Variants in FMNL3 observed in about 807,000 individuals in gnomAD.
FMNL3 encodes the protein formin-like protein 3.
Under a neutral mutation model 119.6 loss-of-function variants are expected in FMNL3, and 57 were observed. That is an observed-to-expected ratio of 0.48 (90% confidence interval 0.39 to 0.59). FMNL3 has a LOEUF of 0.59. FMNL3 is among the 20% of genes least tolerant of loss of function. The pLI is 0.00. For missense variants in FMNL3, 1,053 were observed against 1,323.5 expected, an observed-to-expected ratio of 0.80 and a Z score of 3.17; for synonymous variants, 491 against 507.3, an observed-to-expected ratio of 0.97 and a Z score of 0.43.
chr12:49,642,456 C>T lies in FMNL3; in HGVS notation c.*3359G>A. Reference sequence around the variant, plus strand: ...CACTGAGGGCCCACCCCAGTCACGTCACAGCCCTGGGCCAGCTCCAGTTCC... The same window carrying T: ...CACTGAGGGCCCACCCCAGTCACGTTACAGCCCTGGGCCAGCTCCAGTTCC... On this transcript the variant is annotated 3_prime_UTR_variant, in exon 26 of 26. Transcript: ENST00000335154. This position sits in a 1 kb window ranked among gnomAD's most constrained non-coding sequence, Gnocchi z 5.8. The T allele has an allele frequency of 6.3e-7, 1 of 1,576,614 alleles. No homozygotes were observed. Among genetic ancestry groups the T allele is most frequent in the South Asian group, 1.1e-5 (1 of 89,664 alleles).
In FMNL3 at chr12:49,660,457, G is replaced by C. The variant is rs77631832; in HGVS notation, c.452+1509C>G. Among the ~76,000 whole-genome samples, 118 of 152,244 alleles carry C rather than the reference G, an allele frequency of 7.8e-4. 2 individuals are homozygous for C. In the East Asian group the frequency reaches 0.021, roughly 27 times the overall value. ...TGTTTTTCATTTCTTTCTATAAAAA[G>C]AATTTTTTTTAGGAGATAAGAGAAT... On this transcript the variant is annotated intron_variant, in intron 5 of 25. Transcript: ENST00000335154.
intron 1 of FMNL3, among the ~76,000 whole-genome samples, chr12:49,693,206 TG>T (rs1944652902): frequency 6.6e-6 from 1 of 151,960 alleles, no homozygotes; most frequent in African/African-American, 2.4e-5. Context: ...GGAGAATGGG[TG>T]GGAAGATGGA....
In FMNL3 at chr12:49,636,623, TGTAGGACAGCATC is replaced by T. The variant is rs1197845130; in HGVS notation, c.*9179_*9191del. Reference sequence around the variant, plus strand: ...CACCACCCTGGGTATCCCTAGCACCTGTAGGACAGCATCGTTGAAACATTAGGGGTGCTGGGGT... The same window carrying T: ...CACCACCCTGGGTATCCCTAGCACCTGTTGAAACATTAGGGGTGCTGGGGT... On this transcript the variant is annotated 3_prime_UTR_variant, in exon 26 of 26. Coordinates refer to ENST00000335154, the MANE Select transcript of FMNL3 (RefSeq NM_175736.5). 3.2e-6 allele frequency: 5 copies of T among 1,566,702 alleles called. No individual in the cohort carries two copies. In the East Asian group the frequency reaches 1.1e-4, roughly 35 times the overall value.
chr12:49,699,695 C>T (rs1252240916), intron 1 of FMNL3, among the ~76,000 whole-genome samples: 2 of 152,056 alleles, frequency 1.3e-5, no homozygotes, highest in Admixed American at 6.5e-5. Flanking sequence ...AAAAACTATA[C>T]GAAATGTATA....
intron 1 of FMNL3, among the ~76,000 whole-genome samples, chr12:49,695,970 G>C (rs1944739453): frequency 6.6e-6 from 1 of 152,126 alleles, no homozygotes. Flanking sequence ...TGCTGCTTTA[G>C]GCAGGTAGTA....
At chr12:49,678,137 C>T (rs1355979661) in intron 1 of FMNL3, among the ~76,000 whole-genome samples, 2 of 151,846 alleles carry the variant, frequency 1.3e-5, no homozygotes, top group Non-Finnish European at 2.9e-5. Flanking sequence ...GCTGGGATTA[C>T]AGGCGTGAGC....
chr12:49,642,545 G>T lies in FMNL3; in HGVS notation c.*3270C>A. On this transcript the variant is annotated 3_prime_UTR_variant, in exon 26 of 26. Coordinates refer to ENST00000335154, the MANE Select transcript of FMNL3 (RefSeq NM_175736.5). This position sits in a 1 kb window ranked among gnomAD's most constrained non-coding sequence, Gnocchi z 5.8. ...CGGTGTCCAGGCCAGGCTGAGTGGGGCCTAGTCTGATCAGCAGTGCTCTCC... is the reference window on the plus strand; with the variant it reads ...CGGTGTCCAGGCCAGGCTGAGTGGGTCCTAGTCTGATCAGCAGTGCTCTCC... 6.2e-7 allele frequency: 1 copy of T among 1,610,900 alleles called. No homozygotes were observed. The highest frequency in any genetic ancestry group is 1.1e-5 in the South Asian group (1 of 90,906).
Position 49,707,321 on chromosome 12 carries a change from TC to T in FMNL3, c.-142del, listed in dbSNP as rs1945078315. 1 of 698,568 alleles carries T rather than the reference TC, an allele frequency of 1.4e-6. No individual in the cohort carries two copies. The highest frequency in any genetic ancestry group is 2.1e-6 in the Non-Finnish European group (1 of 478,030). The allele number at this position is 698,568 out of a possible 1,614,324, so 43.3% of individuals were successfully genotyped here. On this transcript the variant is annotated 5_prime_UTR_variant, in exon 1 of 26. Transcript: ENST00000335154. The stretch of plus-strand genomic sequence containing the variant: ...CGGCCCCGTCGAGGGCGCCGGGGGT[TC>T]CCTGGAGTCCCGCTGGCGGGGGCGC...
intron 1 of FMNL3, among the ~76,000 whole-genome samples, chr12:49,700,265 G>A (rs892044151): frequency 3.3e-5 from 5 of 149,968 alleles, no homozygotes; most frequent in East Asian, 2.0e-4. Context: ...GGTGGCGGGC[G>A]CCTGTAGTCC....
rs1943246763 is a variant in FMNL3 at position 49,647,607 on chromosome 12, GAGGAGTCGGAAA to G, written c.2778+84_2778+95del. On this transcript the variant is annotated intron_variant, in intron 23 of 25. Coordinates refer to ENST00000335154, the MANE Select transcript of FMNL3 (RefSeq NM_175736.5). This position sits in a 1 kb window ranked among gnomAD's most constrained non-coding sequence, Gnocchi z 4.9. ...ATCGCTCCCTTCCCAGGACTCGGAG[GAGGAGTCGGAAA>G]AGGCCCATACTTTAAGCCCAGGCTT... is the stretch of plus-strand genomic sequence containing the variant. 1 of 1,139,708 alleles carries G rather than the reference GAGGAGTCGGAAA, an allele frequency of 8.8e-7. No homozygotes were observed. The highest frequency in any genetic ancestry group is 1.5e-5 in the African/African-American group (1 of 65,294). The allele number at this position is 1,139,708 out of a possible 1,614,324, so 70.6% of individuals were successfully genotyped here. A position where few individuals can be genotyped will look rare whatever the true frequency, so the allele number is the denominator to read the frequency against.
In FMNL3 at chr12:49,637,044, G is replaced by A; in HGVS notation, c.*8771C>T. The A allele has an allele frequency of 2.5e-6, 2 of 812,800 alleles. No individual in the cohort carries two copies. The highest frequency in any genetic ancestry group is 3.8e-6 in the Non-Finnish European group (2 of 528,106). 50.3% of individuals were successfully genotyped at this position (812,800 alleles called of 1,614,324 possible). A position where few individuals can be genotyped will look rare whatever the true frequency, so the allele number is the denominator to read the frequency against. ...CAATTCTGGACTGTGCTCTTCTAGG[G>A]AGACTAGATGTATGCACCACCCAGA... On this transcript the variant is annotated 3_prime_UTR_variant, in exon 26 of 26. Transcript: ENST00000335154.
chr12:49,702,819 CTAATT>C (rs1944945192), intron 1 of FMNL3, among the ~76,000 whole-genome samples: 2 of 152,166 alleles, frequency 1.3e-5, no homozygotes, highest in African/African-American at 4.8e-5. Context: ...CTAGCCTGAA[CTAATT>C]CACCACAATC....
At chr12:49,677,936 C>T (rs556603372) in intron 1 of FMNL3, among the ~76,000 whole-genome samples, 1 of 152,316 alleles carries the variant, frequency 6.6e-6, no homozygotes, top group East Asian at 1.9e-4. Context: ...GATCTTGGCT[C>T]TCCGCAAGCT....
Position 49,707,150 on chromosome 12 carries a change from G to T in FMNL3, c.31C>A (p.Pro11Thr). ...AACGGGACAGAGGGGGGCTCTCCCG[G>T]GACCCCCTCGGCGCTCTCCAGGTTG... MGNLESAEGV[P>T]GEPPSVPLLL... Residue 11 changes from proline (P) to threonine (T), a missense_variant, in exon 1 of 26, where the codon CCG becomes ACG. By Grantham distance (38) the Pro-to-Thr change is conservative. Transcript: ENST00000335154. 1 of 1,590,176 alleles carries T rather than the reference G, an allele frequency of 6.3e-7. No individual in the cohort carries two copies. The highest frequency in any genetic ancestry group is 8.5e-7 in the Non-Finnish European group (1 of 1,169,746).
At chr12:49,652,247 G>A (rs777267999) in intron 13 of FMNL3, 35 bp from the exon 14 acceptor site, 4 of 1,596,110 alleles carry the variant, frequency 2.5e-6, no homozygotes, top group Non-Finnish European at 3.4e-6. Flanking sequence ...GGGAAAAGTG[G>A]GCTGAAGGCA....
Position 49,647,444 on chromosome 12 carries a change from GAGTGGGTGGC to G in FMNL3, c.2779-86_2779-77del. 1 of 1,505,254 alleles carries G rather than the reference GAGTGGGTGGC, an allele frequency of 6.6e-7. No individual in the cohort carries two copies. The highest frequency in any genetic ancestry group is 9.2e-7 in the Non-Finnish European group (1 of 1,091,822). The allele number at this position is 1,505,254 out of a possible 1,614,324, so 93.2% of individuals were successfully genotyped here. A position where few individuals can be genotyped will look rare whatever the true frequency, so the allele number is the denominator to read the frequency against. On this transcript the variant is annotated intron_variant, in intron 23 of 25. Coordinates refer to ENST00000335154, the MANE Select transcript of FMNL3 (RefSeq NM_175736.5). The surrounding 1 kb of genome is among the most constrained non-coding windows in gnomAD (Gnocchi z 4.9). ...GGGGAGGGGCTGACACTGAGGTGGA[GAGTGGGTGGC>G]AGTGGGACCCGCTAACTCCAGGTGG... is the stretch of plus-strand genomic sequence containing the variant.
rs992806129 is a variant in FMNL3 at position 49,636,815 on chromosome 12, G to A, written c.*9000C>T. The A allele has an allele frequency of 3.1e-6, 5 of 1,614,060 alleles. No individual in the cohort carries two copies. Among genetic ancestry groups the A allele is most frequent in the Admixed American group, 1.7e-5 (1 of 60,000 alleles). ...CGGGAGCGGGCCCGGCTTCGGGAGC[G>A]ACGCCAACAACGCAAGAATCGGGAG... On this transcript the variant is annotated 3_prime_UTR_variant, in exon 26 of 26. Coordinates refer to ENST00000335154, the MANE Select transcript of FMNL3 (RefSeq NM_175736.5).
At chr12:49,682,436 T>C (rs1295070080) in intron 1 of FMNL3, among the ~76,000 whole-genome samples, 1 of 152,180 alleles carries the variant, frequency 6.6e-6, no homozygotes, top group Non-Finnish European at 1.5e-5. Flanking sequence ...CTTGAACTCC[T>C]GGACTGTTAC....
chr12:49,647,479 G>A lies in FMNL3; in HGVS notation c.2779-111C>T. On this transcript the variant is annotated intron_variant, in intron 23 of 25. Coordinates refer to ENST00000335154, the MANE Select transcript of FMNL3 (RefSeq NM_175736.5). This position sits in a 1 kb window ranked among gnomAD's most constrained non-coding sequence, Gnocchi z 4.9. The stretch of plus-strand genomic sequence containing the variant: ...CAGTGGGACCCGCTAACTCCAGGTG[G>A]CCACCCTCTGGAGGGGCACTTCCTG... 2.4e-6 allele frequency: 3 copies of A among 1,241,668 alleles called. No individual in the cohort carries two copies. Among genetic ancestry groups the A allele is most frequent in the Non-Finnish European group, 3.5e-6 (3 of 858,424 alleles). 76.9% of individuals were successfully genotyped at this position (1,241,668 alleles called of 1,614,324 possible). A position where few individuals can be genotyped will look rare whatever the true frequency, so the allele number is the denominator to read the frequency against.
Sources: allele counts gnomAD v4.1 joint callset (sites outside exome capture counted in the v4.1 genomes callset), GRCh38; gene constraint gnomAD v4.1.1; non-coding constraint Gnocchi (gnomAD v3.1); transcripts MANE v1.5; gene names NCBI Gene and HGNC (gene_info 2026-07-23, HGNC 2026-07-21).